Variants in ORC4 observed in about 807,000 individuals in gnomAD.
The protein encoded by ORC4 is origin recognition complex, subunit 4 homolog.
Under a neutral mutation model 63.9 loss-of-function variants are expected in ORC4, and 55 were observed. The ratio of observed to expected loss-of-function variants is 0.86; its 90% CI spans 0.69 to 1.08. The LOEUF is 1.08. ORC4 is among the 50% of genes least tolerant of loss of function. The pLI is 0.00. For synonymous variants in ORC4, 150 were observed against 168.5 expected (o/e 0.89, Z 0.85); for missense variants, 511 against 504.4 (o/e 1.01, Z -0.13).
At chr2:147,991,382 T>C (rs1691596782) in intron 1 of ORC4, among the ~76,000 whole-genome samples, 1 of 152,130 alleles carries the variant, frequency 6.6e-6, no homozygotes, top group South Asian at 2.1e-4. Flanking sequence ...ACTTACTTTA[T>C]AAAGTACCTA....
At chr2:148,002,423 T>C (rs1022326912) in intron 1 of ORC4, among the ~76,000 whole-genome samples, 3 of 152,094 alleles carry the variant, frequency 2.0e-5, no homozygotes, top group Admixed American at 6.6e-5. Context: ...TCCCAGACCA[T>C]AGTGCAATCA....
In ORC4 at chr2:147,952,526, T is replaced by C. The variant is rs1403735168; in HGVS notation, c.437-2A>G. The C allele has an allele frequency of 1.1e-5, 18 of 1,590,742 alleles. No homozygotes were observed. The highest frequency in any genetic ancestry group is 1.5e-5 in the Non-Finnish European group (17 of 1,159,052). ...CTGGGCAACTGCTAGTTCGGTCACCTAAGATAAAATAAGAGCATTACATTA... is the reference window on the plus strand; with the variant it reads ...CTGGGCAACTGCTAGTTCGGTCACCCAAGATAAAATAAGAGCATTACATTA... On this transcript the variant is annotated splice_acceptor_variant, in intron 7 of 13. Coordinates refer to ENST00000392857, the MANE Select transcript of ORC4 (RefSeq NM_181741.4). LOFTEE classifies it high-confidence loss of function.
chr2:147,968,833 G>A (rs966261000), intron 4 of ORC4, among the ~76,000 whole-genome samples: 11 of 151,702 alleles, frequency 7.3e-5, no homozygotes, highest in African/African-American at 2.4e-4. Context: ...TCTGCAGCCC[G>A]TATTTATTGT....
At chr2:147,962,344 T>C (rs984989174) in intron 4 of ORC4, among the ~76,000 whole-genome samples, 2 of 152,058 alleles carry the variant, frequency 1.3e-5, no homozygotes, top group Non-Finnish European at 2.9e-5. Context: ...GAATAAGGTA[T>C]GCACTCTCCA....
chr2:147,981,612 A>T (rs1573838120), intron 1 of ORC4, among the ~76,000 whole-genome samples: 1 of 152,324 alleles, frequency 6.6e-6, no homozygotes, highest in South Asian at 2.1e-4. Context: ...CAGATATATT[A>T]ATAGGCTTAA....
chr2:147,986,776 GACAC>G (rs1048997022), intron 1 of ORC4, among the ~76,000 whole-genome samples: 1 of 101,308 alleles, frequency 9.9e-6, no homozygotes, highest in Admixed American at 1.0e-4. Flanking sequence ...ATTTTATACA[GACAC>G]ACACACACAT....
chr2:147,937,101 A>G (rs1023848996), intron 13 of ORC4: 3 of 151,842 alleles, frequency 2.0e-5, no homozygotes, highest in Middle Eastern at 3.2e-3. Flanking sequence ...CTATTAGGGG[A>G]AAAAAACCCT....
At position 147,931,006 on chromosome 2, in the gene ORC4, A is replaced by AC. The variant is rs1687696313; in HGVS notation, c.*4503_*4504insG. On this transcript the variant is annotated 3_prime_UTR_variant, in exon 14 of 14. Transcript: ENST00000392857. ...TATCTCCTAATGCTATCCCTCCCCC[A>AC]TCCCCCCACCCCACAACAGTCCCCA... 3.3e-5 allele frequency: 3 copies of AC among 90,334 alleles called. No homozygotes were observed. Among genetic ancestry groups the AC allele is most frequent in the Admixed American group, 1.2e-4 (1 of 8,376 alleles). The allele number at this position is 90,334 out of a possible 1,614,324, so 5.6% of individuals were successfully genotyped here. A position where few individuals can be genotyped will look rare whatever the true frequency, so the allele number is the denominator to read the frequency against.
intron 1 of ORC4, among the ~76,000 whole-genome samples, chr2:147,983,871 C>A (rs1168299171): frequency 6.6e-6 from 1 of 152,116 alleles, no homozygotes; most frequent in Non-Finnish European, 1.5e-5. Context: ...CTAACAGATA[C>A]CACACCAGAG....
intron 5 of ORC4, 172 bp downstream of exon 5, chr2:147,958,619 C>A: frequency 1.7e-6 from 1 of 572,588 alleles, no homozygotes; most frequent in Non-Finnish European, 3.1e-6. Flanking sequence ...CCTTCTGCGA[C>A]TCCTTCATTA....
intron 1 of ORC4, among the ~76,000 whole-genome samples, chr2:148,005,880 G>A (rs1400908371): frequency 1.3e-5 from 2 of 152,076 alleles, no homozygotes; most frequent in African/African-American, 2.4e-5. Context: ...GGAGGCTGAG[G>A]TGGGAGGATC....
chr2:148,003,188 G>C (rs1453401539), intron 1 of ORC4, among the ~76,000 whole-genome samples: 1 of 152,210 alleles, frequency 6.6e-6, no homozygotes, highest in East Asian at 1.9e-4. Flanking sequence ...GAGGTACAAA[G>C]CGGAGCTGGT....
intron 3 of ORC4, 48 bp from the exon 4 acceptor site, chr2:147,972,877 C>A (rs1573818970): frequency 8.0e-7 from 1 of 1,243,180 alleles, no homozygotes; most frequent in East Asian, 2.3e-5. Flanking sequence ...AGCTGGAATA[C>A]TTTGTTATGT....
At chr2:147,950,453 A>G (rs1688888210) in intron 8 of ORC4, among the ~76,000 whole-genome samples, 1 of 152,194 alleles carries the variant, frequency 6.6e-6, no homozygotes, top group Admixed American at 6.5e-5. Flanking sequence ...CTCTCCCTAT[A>G]AACGTGGATA....
In ORC4 at chr2:147,935,300, A is replaced by G. The variant is rs1290234677; in HGVS notation, c.*210T>C. ...TCATATTTTATTCTTCTGAACAGCT[A>G]CTTACAAAGTAATCTCAATCAGTGA... On this transcript the variant is annotated 3_prime_UTR_variant, in exon 14 of 14. Coordinates refer to ENST00000392857, the MANE Select transcript of ORC4 (RefSeq NM_181741.4). 5 of 578,154 alleles carry G rather than the reference A, an allele frequency of 8.6e-6. No individual in the cohort carries two copies. The Admixed American group carries it at 1.1e-4, about 13-fold the overall frequency. The allele number at this position is 578,154 out of a possible 1,614,324, so 35.8% of individuals were successfully genotyped here. A position where few individuals can be genotyped will look rare whatever the true frequency, so the allele number is the denominator to read the frequency against.
chr2:148,012,248 A>G (rs1036140423), intron 1 of ORC4, among the ~76,000 whole-genome samples: 22 of 152,208 alleles, frequency 1.4e-4, no homozygotes, highest in African/African-American at 4.8e-4. Flanking sequence ...ATAGTGGCAT[A>G]AAAACAGACA....
At chr2:148,017,174 T>C (rs1322492910) in intron 1 of ORC4, among the ~76,000 whole-genome samples, 5 of 152,130 alleles carry the variant, frequency 3.3e-5, no homozygotes, top group African/African-American at 1.2e-4. Flanking sequence ...AAAAGTGACA[T>C]AAGTAATTTA....
chr2:147,971,852 A>G (rs1010183785), intron 4 of ORC4, among the ~76,000 whole-genome samples: 1 of 152,072 alleles, frequency 6.6e-6, no homozygotes, highest in East Asian at 1.9e-4. Flanking sequence ...GAAATTACCT[A>G]GATCTAAATT....
At position 147,939,248 on chromosome 2, in the gene ORC4, TC is replaced by T. The variant is rs763401983; in HGVS notation, c.850-1del. On this transcript the variant is annotated splice_acceptor_variant, in intron 10 of 13. Transcript: ENST00000392857. LOFTEE classifies it high-confidence loss of function. ...GCTGTTACTCGATTTAAAGCAAGCA[TC>T]TAGGGAAAGACAGATCAGAAAAACA... 1.3e-6 allele frequency: 2 copies of T among 1,597,688 alleles called. No individual in the cohort carries two copies. The highest frequency in any genetic ancestry group is 1.7e-6 in the Non-Finnish European group (2 of 1,165,304).
Sources: allele counts gnomAD v4.1 joint callset (sites outside exome capture counted in the v4.1 genomes callset), GRCh38; gene constraint gnomAD v4.1.1; transcripts MANE v1.5; gene names NCBI Gene and HGNC (gene_info 2026-07-23, HGNC 2026-07-21).